Variants in WWOX observed in about 807,000 individuals in gnomAD.
The protein encoded by WWOX is WW domain-containing oxidoreductase.
A neutral mutation model predicts 46.2 loss-of-function variants in WWOX; 69 were observed. That is an observed-to-expected ratio of 1.49 (90% CI 1.23 to 1.82). WWOX has a LOEUF of 1.82. WWOX is among the 40% of genes most tolerant of loss of function. WWOX has a pLI of 0.00. For synonymous variants in WWOX, 359 were observed against 202.6 expected, an observed-to-expected ratio of 1.77 and a Z score of -6.56; for missense variants, 919 against 542.6, an observed-to-expected ratio of 1.69 and a Z score of -6.89.
intron 5 of WWOX, among the ~76,000 whole-genome samples, chr16:78,260,082 G>T (rs1190249601): frequency 6.6e-6 from 1 of 151,134 alleles, no homozygotes; most frequent in East Asian, 1.9e-4. Context: ...GTTTCTGCTG[G>T]AATCAGCTCG....
At chr16:79,206,554 C>G (rs58270636) in intron 8 of WWOX, 2 of 152,170 alleles carry the variant, frequency 1.3e-5, no homozygotes, top group Non-Finnish European at 2.9e-5. Context: ...CAAATCGTAA[C>G]CTCTCAATAA....
chr16:78,170,034 C>G (rs1303932463), intron 5 of WWOX, among the ~76,000 whole-genome samples: 1 of 152,126 alleles, frequency 6.6e-6, no homozygotes. Flanking sequence ...GTGGCTCTCC[C>G]TTAGAGTTAC....
chr16:78,684,107 A>C (rs1365463902), intron 8 of WWOX, among the ~76,000 whole-genome samples: 1 of 152,146 alleles, frequency 6.6e-6, no homozygotes, highest in Non-Finnish European at 1.5e-5. Context: ...AGTTCAACTC[A>C]ACCTCATGGC....
chr16:78,835,686 C>T (rs1411593790), intron 8 of WWOX, among the ~76,000 whole-genome samples: 1 of 152,190 alleles, frequency 6.6e-6, no homozygotes, highest in Non-Finnish European at 1.5e-5. Context: ...AGTTCTGAAA[C>T]TCACCCTGTG....
chr16:78,664,606 G>A (rs531767260), intron 8 of WWOX, among the ~76,000 whole-genome samples: 9 of 152,240 alleles, frequency 5.9e-5, no homozygotes, highest in Admixed American at 5.9e-4. Flanking sequence ...GTGTCCAGAT[G>A]TTTTATGATT....
At chr16:78,721,582 C>T (rs1230898785) in intron 8 of WWOX, among the ~76,000 whole-genome samples, 1 of 152,112 alleles carries the variant, frequency 6.6e-6, no homozygotes, top group Non-Finnish European at 1.5e-5. Context: ...CAGCCTGAAC[C>T]ACTTGTGTTA....
rs1229215575 is a variant in WWOX at position 78,784,717 on chromosome 16, G to C, written c.1056+351965G>C. On this transcript the variant is annotated intron_variant, in intron 8 of 8. Coordinates refer to ENST00000566780, the MANE Select transcript of WWOX (RefSeq NM_016373.4). ...TGTTTTAGCTGCCCCCAGTCAGGTG[G>C]TTGATGAGTTGGGGAGCCTGGTGGG... 2.0e-4 allele frequency among the ~76,000 whole-genome samples: 30 copies of C among 152,182 alleles called. 1 individual carries two copies. Among genetic ancestry groups the C allele is most frequent in the Admixed American group, 2.0e-3 (30 of 15,282 alleles).
chr16:78,758,356 T>C (rs951241230), intron 8 of WWOX, among the ~76,000 whole-genome samples: 1 of 152,154 alleles, frequency 6.6e-6, no homozygotes, highest in South Asian at 2.1e-4. Flanking sequence ...GCAAGATCTT[T>C]TGCAAGTAGA....
intron 8 of WWOX, among the ~76,000 whole-genome samples, chr16:78,520,118 G>C (rs1429339248): frequency 6.6e-6 from 1 of 152,204 alleles, no homozygotes; most frequent in Non-Finnish European, 1.5e-5. Flanking sequence ...GCCACAGATA[G>C]TGATGCAATA....
chr16:78,537,700 G>A (rs2043792841), intron 8 of WWOX, among the ~76,000 whole-genome samples: 1 of 152,136 alleles, frequency 6.6e-6, no homozygotes, highest in Admixed American at 6.5e-5. Flanking sequence ...GGTCCCAGCT[G>A]CCACAGTTCA....
chr16:78,355,093 C>G (rs2081258181), intron 5 of WWOX, among the ~76,000 whole-genome samples: 1 of 151,674 alleles, frequency 6.6e-6, no homozygotes, highest in Admixed American at 6.6e-5. Flanking sequence ...GATGGAGCCA[C>G]TGCACTCCAG....
intron 4 of WWOX, among the ~76,000 whole-genome samples, chr16:78,154,739 ATAG>A (rs1213748660): frequency 6.6e-6 from 1 of 152,040 alleles, no homozygotes; most frequent in Non-Finnish European, 1.5e-5. Flanking sequence ...TAGCATCCTA[ATAG>A]TCTCACACTT....
chr16:79,170,666 T>C (rs1158360570), intron 8 of WWOX, among the ~76,000 whole-genome samples: 1 of 117,244 alleles, frequency 8.5e-6, no homozygotes, highest in Admixed American at 1.0e-4. Flanking sequence ...CAAGAGTTAC[T>C]TCTATTTTTT....
chr16:78,925,053 G>C (rs1487124796), intron 8 of WWOX, among the ~76,000 whole-genome samples: 1 of 152,142 alleles, frequency 6.6e-6, no homozygotes, highest in East Asian at 1.9e-4. Context: ...AAGTTAGCCA[G>C]GCATGGTGGT....
intron 8 of WWOX, among the ~76,000 whole-genome samples, chr16:78,656,814 C>A (rs1290743583): frequency 6.6e-6 from 1 of 152,164 alleles, no homozygotes; most frequent in East Asian, 1.9e-4. Flanking sequence ...TGCTCTGACA[C>A]AGAAGACTGG....
intron 8 of WWOX, among the ~76,000 whole-genome samples, chr16:78,998,260 G>T (rs1220670639): frequency 6.6e-6 from 1 of 152,194 alleles, no homozygotes; most frequent in Non-Finnish European, 1.5e-5. Flanking sequence ...GGACATGTTG[G>T]ACTGCACATC....
At chr16:78,674,438 C>A (rs906058247) in intron 8 of WWOX, among the ~76,000 whole-genome samples, 4 of 152,068 alleles carry the variant, frequency 2.6e-5, no homozygotes, top group Non-Finnish European at 4.4e-5. Flanking sequence ...GCGTCCGCCA[C>A]CATGCCCAGC....
chr16:78,528,622 C>T (rs1211031848), intron 8 of WWOX, among the ~76,000 whole-genome samples: 1 of 152,168 alleles, frequency 6.6e-6, no homozygotes, highest in Non-Finnish European at 1.5e-5. Context: ...CCATTTATCT[C>T]AGGCTTAATG....
At chr16:79,064,791 A>G (rs983285955) in intron 8 of WWOX, among the ~76,000 whole-genome samples, 2 of 152,312 alleles carry the variant, frequency 1.3e-5, no homozygotes, top group African/African-American at 4.8e-5. Context: ...ACTGGGTGTG[A>G]GGAAGGATGC....
Sources: allele counts gnomAD v4.1 joint callset (sites outside exome capture counted in the v4.1 genomes callset), GRCh38; gene constraint gnomAD v4.1.1; transcripts MANE v1.5; gene names NCBI Gene and HGNC (gene_info 2026-07-23, HGNC 2026-07-21).